RGL3: variants seen among roughly 807,000 people sequenced by gnomAD.
RGL3 encodes the protein ral guanine nucleotide dissociation stimulator-like 3.
RGL3 carries 85 observed loss-of-function variants against 90.6 expected under a neutral mutation model. The observed-to-expected ratio is 0.94, with a 90% confidence interval of 0.79 to 1.12. The LOEUF (loss-of-function observed/expected upper bound fraction) is 1.12. Ranked by LOEUF, RGL3 falls within the 50% of genes most tolerant of loss-of-function variation. The pLI, the probability that RGL3 is intolerant of heterozygous loss-of-function variation, is 0.00. For missense variants in RGL3, 1,034 were observed against 939.2 expected, an observed-to-expected ratio of 1.10 and a Z score of -1.32; for synonymous variants, 408 against 385.5, an observed-to-expected ratio of 1.06 and a Z score of -0.68.
Position 11,416,880 on chromosome 19 carries a change from C to G in RGL3, c.327G>C (p.Leu109=). The G allele has an allele frequency of 6.2e-7, 1 of 1,614,016 alleles. No homozygotes were observed. The highest frequency in any genetic ancestry group is 8.5e-7 in the Non-Finnish European group (1 of 1,179,964). ...TYRTFVPTAC[L]LGFLLPPMPP... ...GCATTGGTGGCAGCAGAAAGCCCAG[C>G]AGGCAGGCAGTGGGTACAAAGGTCC... Residue 109 remains leucine (L), a synonymous_variant, in exon 3 of 19, where the codon CTG becomes CTC. Coordinates refer to ENST00000380456, the MANE Select transcript of RGL3 (RefSeq NM_001035223.4).
intron 5 of RGL3, 100 bp downstream of exon 5, chr19:11,415,837 C>T (rs1030384828): frequency 1.9e-6 from 2 of 1,079,338 alleles, no homozygotes; most frequent in African/African-American, 1.6e-5. Context: ...TAAAATCTTG[C>T]TTAAGTTTTG....
intron 5 of RGL3, among the ~76,000 whole-genome samples, chr19:11,409,453 C>G (rs539433801): frequency 6.6e-6 from 1 of 152,222 alleles, no homozygotes; most frequent in African/African-American, 2.4e-5. Context: ...TGCACTCCAG[C>G]CTGGGCGACA....
At chr19:11,405,895 A>ATT (rs57200960) in intron 7 of RGL3, among the ~76,000 whole-genome samples, 13 of 139,088 alleles carry the variant, frequency 9.3e-5, no homozygotes, top group African/African-American at 2.9e-4. Context: ...AATTTTTTTA[A>ATT]TTTTTTTTTT....
chr19:11,405,425 C>G lies in RGL3; in HGVS notation c.998G>C (p.Arg333Pro), dbSNP rs759152979. ...RLEKWIRIAQ[R>P]CRELRNFSSL... ...GGAGAAGTTCCGCAGTTCTCGGCAG[C>G]GCTGCCAGGCGGTGGGGACGCAGGT... is the stretch of plus-strand genomic sequence containing the variant. The change falls in exon 8 of 19, where the codon CGC (arginine) becomes CCC (proline). Residue 333 changes from arginine (R) to proline (P), a missense_variant and splice_region_variant. Arg to Pro is a moderately radical substitution (Grantham distance 103). Transcript: ENST00000380456. 2 of 1,489,756 alleles carry G rather than the reference C, an allele frequency of 1.3e-6. No homozygotes were observed. The highest frequency in any genetic ancestry group is 1.8e-6 in the Non-Finnish European group (2 of 1,105,598). 92.3% of individuals were successfully genotyped at this position (1,489,756 alleles called of 1,614,324 possible).
chr19:11,400,192 C>G lies in RGL3; in HGVS notation c.1580+10G>C, dbSNP rs374124810. 28 of 1,576,608 alleles carry G rather than the reference C, an allele frequency of 1.8e-5. No individual in the cohort carries two copies. Among genetic ancestry groups the G allele is most frequent in the Non-Finnish European group, 2.2e-5 (25 of 1,159,728 alleles). On this transcript the variant is annotated intron_variant, in intron 14 of 18. Transcript: ENST00000380456. ...CACATCACCGCCCCTACACACACCC[C>G]GAGACTCACGCACTGAGACGCTTGG...
In RGL3 at chr19:11,406,493, A is replaced by C. The variant is rs765717975; in HGVS notation, c.922T>G (p.Ser308Ala). The change falls in exon 7 of 19, where the codon TCC (serine) becomes GCC (alanine). Residue 308 changes from serine to alanine, a missense_variant. Physicochemically the swap from Ser to Ala is moderately conservative, Grantham distance 99. Coordinates refer to ENST00000380456, the MANE Select transcript of RGL3 (RefSeq NM_001035223.4). ...FNTVTGCVLG[S>A]VLGAPGLAAP... ...GCCAAGCCCGGTGCTCCGAGCACGG[A>C]ACCCAGCACACAGCCGGTCACGGTG... The C allele has an allele frequency of 1.2e-5, 18 of 1,555,156 alleles. No individual in the cohort carries two copies. In the East Asian group the frequency reaches 4.0e-4, roughly 35 times the overall value.
chr19:11,401,647 C>T (rs547083952), intron 13 of RGL3, among the ~76,000 whole-genome samples: 8 of 152,078 alleles, frequency 5.3e-5, no homozygotes, highest in African/African-American at 1.4e-4. Flanking sequence ...GTGATTCACC[C>T]GCCTCGGCCT....
At chr19:11,417,374 TC>T (rs1197616448) in intron 2 of RGL3, among the ~76,000 whole-genome samples, 1 of 151,210 alleles carries the variant, frequency 6.6e-6, no homozygotes, top group Non-Finnish European at 1.5e-5. Flanking sequence ...GGTCTCGAAC[TC>T]CTGACCTCAA....
At chr19:11,407,998 C>A (rs1222122010) in intron 5 of RGL3, among the ~76,000 whole-genome samples, 1 of 151,872 alleles carries the variant, frequency 6.6e-6, no homozygotes, top group East Asian at 1.9e-4. Context: ...AACAGGCTCT[C>A]CCTTGGTCAC....
At chr19:11,414,215 T>C (rs1197717882) in intron 5 of RGL3, among the ~76,000 whole-genome samples, 1 of 74,634 alleles carries the variant, frequency 1.3e-5, no homozygotes, top group African/African-American at 5.8e-5. Context: ...ATATATACCT[T>C]TATATATATA....
intron 18 of RGL3, 51 bp from the exon 19 acceptor site, chr19:11,394,571 C>G (rs751556401): frequency 7.1e-7 from 1 of 1,414,642 alleles, no homozygotes; most frequent in Non-Finnish European, 1.0e-6. Flanking sequence ...CTTGTGTCAC[C>G]CCCACAGAGG....
chr19:11,415,716 A>G (rs541966466), intron 5 of RGL3, among the ~76,000 whole-genome samples: 1 of 151,728 alleles, frequency 6.6e-6, no homozygotes, highest in Non-Finnish European at 1.5e-5. Flanking sequence ...CTCAGGTGAT[A>G]CACCATCCTT....
At chr19:11,402,578 A>C in intron 10 of RGL3, 37 bp from the exon 11 acceptor site, 1 of 1,611,194 alleles carries the variant, frequency 6.2e-7, no homozygotes, top group Non-Finnish European at 8.5e-7. Flanking sequence ...TGGGGCCATT[A>C]CTGACCCCAT....
At position 11,405,388 on chromosome 19, in the gene RGL3, G is replaced by GGC; in HGVS notation, c.1033_1034dup (p.Ile346ProfsTer21). ...GGTTAGATTGCAGGGCGGACAGGAT[G>GGC]GCGCGCAAGGAGGAGAAGTTCCGCA... is the stretch of plus-strand genomic sequence containing the variant. On this transcript the variant is annotated frameshift_variant, in exon 8 of 19. Coordinates refer to ENST00000380456, the MANE Select transcript of RGL3 (RefSeq NM_001035223.4). LOFTEE classifies it high-confidence loss of function. 6.2e-7 allele frequency: 1 copy of GGC among 1,607,226 alleles called. No homozygotes were observed.
chr19:11,418,833 G>A (rs1378241565), intron 1 of RGL3, 49 bp from the exon 2 acceptor site: 7 of 1,441,740 alleles, frequency 4.9e-6, no homozygotes, highest in Non-Finnish European at 2.8e-6. Context: ...AGGTCCTGGG[G>A]CCTCAGCCTC....
In RGL3 at chr19:11,416,076, C is replaced by T. The variant is rs749328735; in HGVS notation, c.498G>A (p.Ser166=). 1.2e-5 allele frequency: 20 copies of T among 1,612,190 alleles called. No homozygotes were observed. The East Asian group carries it at 3.1e-4, about 25-fold the overall frequency. The stretch of plus-strand genomic sequence containing the variant: ...GAAAGGTTCGGACACTGCCCAGGTC[C>T]GAATGGGCAGGGTGGTCTCGGAAAT... ...PQDFRDHPAH[S]DLGSVRTFLG... The change falls in exon 5 of 19, where the codon TCG becomes TCA. Residue 166 remains serine (S), a synonymous_variant. Transcript: ENST00000380456.
At chr19:11,403,282 G>A (rs1486936678) in intron 9 of RGL3, among the ~76,000 whole-genome samples, 1 of 150,042 alleles carries the variant, frequency 6.7e-6, no homozygotes, top group Non-Finnish European at 1.5e-5. Flanking sequence ...TGATCCGCCT[G>A]CCTGGGCCTC....
chr19:11,396,967 C>T lies in RGL3; in HGVS notation c.2014+277G>A, dbSNP rs529812629. ...ACAGACATGAGCCACTGCGCCTGGC[C>T]GGACCCTGGACAATCTTATTGTCTT... On this transcript the variant is annotated intron_variant, in intron 18 of 18. Transcript: ENST00000380456. 4.6e-5 allele frequency among the ~76,000 whole-genome samples: 7 copies of T among 152,246 alleles called. 1 individual carries two copies. The highest frequency in any genetic ancestry group is 1.3e-4 in the Admixed American group (2 of 15,276).
In RGL3 at chr19:11,405,409, C is replaced by T; in HGVS notation, c.1014G>A (p.Arg338=). Residue 338 remains arginine (R), a synonymous_variant, in exon 8 of 19, where the codon CGG becomes CGA. Coordinates refer to ENST00000380456, the MANE Select transcript of RGL3 (RefSeq NM_001035223.4). The stretch of plus-strand genomic sequence containing the variant: ...GGATGGCGCGCAAGGAGGAGAAGTT[C>T]CGCAGTTCTCGGCAGCGCTGCCAGG... ...IRIAQRCREL[R]NFSSLRAILS... The T allele has an allele frequency of 6.4e-7, 1 of 1,572,990 alleles. No individual in the cohort carries two copies. The highest frequency in any genetic ancestry group is 8.6e-7 in the Non-Finnish European group (1 of 1,158,106).
Sources: gnomAD v4.1 joint callset for allele counts (sites outside exome capture counted in the v4.1 genomes callset) on GRCh38, gnomAD v4.1.1 for gene constraint, MANE v1.5 for transcripts, NCBI Gene and HGNC (gene_info 2026-07-23, HGNC 2026-07-21) for gene names.